Variants in CBLN2 observed in about 807,000 individuals in gnomAD.
CBLN2 encodes the protein cerebellin 2 precursor, also known as cerebellin-2.
Under a neutral mutation model 15.0 loss-of-function variants are expected in CBLN2, and 7 were observed. The ratio of observed to expected loss-of-function variants is 0.47; its 90% CI spans 0.27 to 0.88. The LOEUF is 0.88. Among genes scored for constraint, CBLN2 ranks in the 40% least tolerant of loss-of-function variants. The pLI is 0.14. For missense variants in CBLN2, 242 were observed against 304.5 expected, an observed-to-expected ratio of 0.79 and a Z score of 1.53; for synonymous variants, 149 against 135.2, an observed-to-expected ratio of 1.10 and a Z score of -0.71.
chr18:72,549,879 C>G (rs2069181210), intron 1 of CBLN2, among the ~76,000 whole-genome samples: 1 of 151,856 alleles, frequency 6.6e-6, no homozygotes, highest in Non-Finnish European at 1.5e-5. Context: ...AAATGCTTAC[C>G]TAGGGTTGAA....
chr18:72,576,546 A>G (rs576444745), intron 1 of CBLN2, among the ~76,000 whole-genome samples: 2 of 152,346 alleles, frequency 1.3e-5, no homozygotes, highest in East Asian at 3.9e-4. Flanking sequence ...GTTTTATAAT[A>G]CGTACTCTCA....
rs1214404862 is a variant in CBLN2, at chr18:72,538,656, G to C, written c.474C>G (p.Ile158Met). The change falls in exon 4 of 5, where the codon ATC (isoleucine) becomes ATG (methionine). Residue 158 changes from isoleucine to methionine, a missense_variant. By Grantham distance (10) the Ile-to-Met change is conservative (BLOSUM62 1). Transcript: ENST00000269503. The part of the protein sequence containing the change: ...HVVKVYNRQT[I>M]QVSLMQNGYP... ...ATCCAGTTTCAAATCTACCCACCTG[G>C]ATGGTTTGTCTGTTATACACTTTGA... 1.2e-6 allele frequency: 2 copies of C among 1,613,718 alleles called. No individual in the cohort carries two copies. Among genetic ancestry groups the C allele is most frequent in the Non-Finnish European group, 8.5e-7 (1 of 1,179,946 alleles).
rs1180360481 is a variant in CBLN2 at position 72,542,170 on chromosome 18, T to C, written c.-10A>G. On this transcript the variant is annotated 5_prime_UTR_variant, in exon 3 of 5. Transcript: ENST00000269503. The stretch of plus-strand genomic sequence containing the variant: ...GGCCGGGCGCCTGCATCGGGACTGG[T>C]GGGAGGCGGCGCGCGGGGGTGGAGG... 8.2e-7 allele frequency: 1 copy of C among 1,221,788 alleles called. No homozygotes were observed. Among genetic ancestry groups the C allele is most frequent in the Non-Finnish European group, 1.0e-6 (1 of 983,660 alleles). 75.7% of individuals were successfully genotyped at this position (1,221,788 alleles called of 1,614,324 possible). A position where few individuals can be genotyped will look rare whatever the true frequency, so the allele number is the denominator to read the frequency against.
At chr18:72,621,016 G>T (rs2069697254) in intron 1 of CBLN2, among the ~76,000 whole-genome samples, 1 of 152,174 alleles carries the variant, frequency 6.6e-6, no homozygotes, top group African/African-American at 2.4e-5. Context: ...GTTGGTATGG[G>T]TAAAATATTG....
intron 1 of CBLN2, among the ~76,000 whole-genome samples, chr18:72,557,165 T>G (rs1430288149): frequency 6.6e-6 from 1 of 152,100 alleles, no homozygotes; most frequent in South Asian, 2.1e-4. Flanking sequence ...TGCTATTTAA[T>G]TTGCTTTAAT....
chr18:72,581,878 T>C (rs1300652638), intron 1 of CBLN2, among the ~76,000 whole-genome samples: 4 of 152,246 alleles, frequency 2.6e-5, no homozygotes, highest in African/African-American at 9.6e-5. Context: ...TTTGTGAGTG[T>C]GTTTTGCATG....
chr18:72,538,897 C>T, intron 3 of CBLN2, 125 bp from the exon 4 acceptor site: 1 of 1,274,516 alleles, frequency 7.8e-7, no homozygotes, highest in Non-Finnish European at 1.1e-6. Flanking sequence ...ATTCAGCATC[C>T]TCAGCATTCT....
In CBLN2 at chr18:72,538,343, T is replaced by G; in HGVS notation, c.508A>C (p.Ile170Leu). ...TCCTGGTCTCCTGCAAAGGCCGAGATCACTGGGTAGCCATTCTGCATTAAA... is the reference window on the plus strand; with the variant it reads ...TCCTGGTCTCCTGCAAAGGCCGAGAGCACTGGGTAGCCATTCTGCATTAAA... Reference protein sequence around the residue: ...VSLMQNGYPVISAFAGDQDVT... With the variant: ...VSLMQNGYPVLSAFAGDQDVT... Residue 170 changes from isoleucine (I) to leucine (L), a missense_variant, in exon 5 of 5, where the codon ATC becomes CTC. Physicochemically the swap from Ile to Leu is conservative, Grantham distance 5. Coordinates refer to ENST00000269503, the MANE Select transcript of CBLN2 (RefSeq NM_182511.4). 6.2e-7 allele frequency: 1 copy of G among 1,614,154 alleles called. No individual in the cohort carries two copies.
chr18:72,591,784 T>C (rs2069481410), intron 1 of CBLN2, among the ~76,000 whole-genome samples: 1 of 152,180 alleles, frequency 6.6e-6, no homozygotes, highest in Non-Finnish European at 1.5e-5. Context: ...TCACTTAACG[T>C]AATCTTCTCC....
At chr18:72,632,783 ACT>A (rs2069785513) in intron 1 of CBLN2, among the ~76,000 whole-genome samples, 1 of 152,214 alleles carries the variant, frequency 6.6e-6, no homozygotes, top group East Asian at 1.9e-4. Context: ...GTTACTTCAA[ACT>A]CTCTTTGCCC....
At chr18:72,617,978 T>G (rs1419200325) in intron 1 of CBLN2, among the ~76,000 whole-genome samples, 5 of 151,930 alleles carry the variant, frequency 3.3e-5, no homozygotes, top group Non-Finnish European at 7.4e-5. Flanking sequence ...AAGAAAAAAT[T>G]TTAGAAAGTT....
At chr18:72,597,883 C>A (rs1287069280) in intron 1 of CBLN2, among the ~76,000 whole-genome samples, 1 of 152,212 alleles carries the variant, frequency 6.6e-6, no homozygotes, top group African/African-American at 2.4e-5. Flanking sequence ...GGCAGAAGGG[C>A]TCTTTAGTCA....
At chr18:72,596,794 G>A (rs2069516810) in intron 1 of CBLN2, among the ~76,000 whole-genome samples, 1 of 152,120 alleles carries the variant, frequency 6.6e-6, no homozygotes, top group Non-Finnish European at 1.5e-5. Flanking sequence ...CAGATGTATT[G>A]CAGCTCCATT....
chr18:72,547,596 A>G (rs899927204), upstream of CBLN2, among the ~76,000 whole-genome samples: 1 of 152,116 alleles, frequency 6.6e-6, no homozygotes, highest in Non-Finnish European at 1.5e-5. Context: ...AGAATGAGCT[A>G]CAGGTATGAT....
At chr18:72,593,379 T>C (rs2069492885) in intron 1 of CBLN2, among the ~76,000 whole-genome samples, 1 of 152,202 alleles carries the variant, frequency 6.6e-6, no homozygotes, top group African/African-American at 2.4e-5. Context: ...AATTTTTGAA[T>C]TTGTTTATCA....
At chr18:72,550,977 C>A (rs745985860) in intron 1 of CBLN2, among the ~76,000 whole-genome samples, 2 of 151,944 alleles carry the variant, frequency 1.3e-5, no homozygotes, top group Non-Finnish European at 2.9e-5. Context: ...TCCTGTATGC[C>A]GATGGGTAAT....
upstream of CBLN2, among the ~76,000 whole-genome samples, chr18:72,546,432 G>GCT (rs766939752): frequency 1.3e-4 from 20 of 149,602 alleles, no homozygotes; most frequent in East Asian, 1.6e-3. Context: ...AGAGCGAGAC[G>GCT]CTCTCTCTCA....
At chr18:72,607,515 G>T (rs181458913) in intron 1 of CBLN2, among the ~76,000 whole-genome samples, 2 of 152,134 alleles carry the variant, frequency 1.3e-5, no homozygotes, top group African/African-American at 4.8e-5. Context: ...AAGTCTAAAA[G>T]CTTTCTTCCT....
chr18:72,541,996 C>T lies in CBLN2; in HGVS notation c.165G>A (p.Thr55=), dbSNP rs533089449. Residue 55 remains threonine (T), a synonymous_variant, in exon 3 of 5, where the codon ACG becomes ACA. Coordinates refer to ENST00000269503, the MANE Select transcript of CBLN2 (RefSeq NM_182511.4). ...ACCPVRAQND[T]EPIVLEGKCL... ...ACTTGCCCTCCAGCACGATGGGCTCCGTGTCGTTCTGCGCCCGCACGGGGC... is the reference window on the plus strand; with the variant it reads ...ACTTGCCCTCCAGCACGATGGGCTCTGTGTCGTTCTGCGCCCGCACGGGGC... 3.1e-6 allele frequency: 5 copies of T among 1,603,378 alleles called. No individual in the cohort carries two copies. Among genetic ancestry groups the T allele is most frequent in the African/African-American group, 1.3e-5 (1 of 74,730 alleles).
Sources: allele counts gnomAD v4.1 joint callset (sites outside exome capture counted in the v4.1 genomes callset), GRCh38; gene constraint gnomAD v4.1.1; transcripts MANE v1.5; gene names NCBI Gene and HGNC (gene_info 2026-07-23, HGNC 2026-07-21).